Variants in SPAG5 observed in about 807,000 individuals in gnomAD.
SPAG5 encodes the protein sperm associated antigen 5.
SPAG5 carries 99 observed loss-of-function variants against 145.4 expected under a neutral mutation model. That is an observed-to-expected ratio of 0.68 (90% CI 0.58 to 0.80). The LOEUF (loss-of-function observed/expected upper bound fraction) is 0.80. Ranked by LOEUF, SPAG5 falls within the 30% of genes least tolerant of loss-of-function variation. The pLI, the probability that SPAG5 is intolerant of heterozygous loss-of-function variation, is 0.00. For missense variants in SPAG5, 1,192 were observed against 1,416.0 expected (o/e 0.84, Z 2.54); for synonymous variants, 477 against 525.4 (o/e 0.91, Z 1.26).
rs771517573 is a variant in SPAG5 at position 28,585,869 on chromosome 17, C to A, written c.1735G>T (p.Asp579Tyr). 6.2e-7 allele frequency: 1 copy of A among 1,614,152 alleles called. No homozygotes were observed. The highest frequency in any genetic ancestry group is 8.5e-7 in the Non-Finnish European group (1 of 1,180,056). Reference sequence around the variant, plus strand: ...ACAAATGCCTGTCACCTTACCGCATCCTTGCCTCTGAGAGCCATTTCCTCT... The same window carrying A: ...ACAAATGCCTGTCACCTTACCGCATACTTGCCTCTGAGAGCCATTTCCTCT... Reference protein sequence around the residue: ...HREEMALRGKDAAEIVLEAFC... With the variant: ...HREEMALRGKYAAEIVLEAFC... The change falls in exon 7 of 24, where the codon GAT becomes TAT. Residue 579 changes from aspartate to tyrosine, a missense_variant. Physicochemically the swap from Asp to Tyr is radical, Grantham distance 160. Around this residue, in one of 5 missense-constraint regions of SPAG5, gnomAD observed 709 missense variants for 840.7 expected, o/e 0.84. Transcript: ENST00000321765.
intron 2 of SPAG5, among the ~76,000 whole-genome samples, chr17:28,594,965 A>T (rs534114916): frequency 9.3e-4 from 142 of 152,118 alleles, no homozygotes; most frequent in Admixed American, 3.4e-3. Context: ...GTCTCAAAAA[A>T]AAAAATAAAA....
intron 19 of SPAG5, 51 bp from the exon 20 acceptor site, chr17:28,578,803 A>G (rs1388029399): frequency 1.3e-5 from 19 of 1,416,746 alleles, no homozygotes; most frequent in Non-Finnish European, 1.8e-5. Flanking sequence ...GTCTCTTCAC[A>G]GCCCTTGCCA....
In SPAG5 at chr17:28,585,224, G is replaced by T. The variant is rs777032339; in HGVS notation, c.1954-9C>A. 2.5e-6 allele frequency: 4 copies of T among 1,613,638 alleles called. No individual in the cohort carries two copies. Among genetic ancestry groups the T allele is most frequent in the Admixed American group, 3.3e-5 (2 of 60,008 alleles). ...GCTGTCCATGTTGTATACTACCAGG[G>T]GAAGCAAGCAGGTCAGTAGAGCACA... is the stretch of plus-strand genomic sequence containing the variant. On this transcript the variant is annotated splice_polypyrimidine_tract_variant and intron_variant, in intron 9 of 23. Transcript: ENST00000321765.
intron 2 of SPAG5, 49 bp from the exon 3 acceptor site, chr17:28,593,115 C>T (rs759501260): frequency 3.1e-5 from 49 of 1,583,548 alleles, no homozygotes; most frequent in African/African-American, 2.7e-4. Context: ...ATTCAGTTCC[C>T]GACATACAAT....
rs769660511 is a variant in SPAG5 at position 28,585,984 on chromosome 17, TTC to T, written c.1618_1619del (p.Glu540AsnfsTer8). On this transcript the variant is annotated frameshift_variant, in exon 7 of 24. Coordinates refer to ENST00000321765, the MANE Select transcript of SPAG5 (RefSeq NM_006461.4). LOFTEE classifies it high-confidence loss of function. ...AATCAAAACAGCAACAGACCAATGT[TTC>T]TGCACGCCGAGACTATATGGTAAGA... ...TTVSQESRRA[E>X]TLVCCCFDLL... is the part of the protein sequence containing the mutation. 4 of 1,614,244 alleles carry T rather than the reference TTC, an allele frequency of 2.5e-6. No homozygotes were observed. The East Asian group carries it at 8.9e-5, about 36-fold the overall frequency.
Position 28,585,123 on chromosome 17 carries a change from C to A in SPAG5, c.2046G>T (p.Val682=). The change falls in exon 10 of 24, where the codon GTG becomes GTT. Residue 682 remains valine (V), a synonymous_variant. Coordinates refer to ENST00000321765, the MANE Select transcript of SPAG5 (RefSeq NM_006461.4). ...GTACCTCCTGCTTTTCCTCAATTGCCACATCACGTTCCTGCAGGGCTTGCT... is the reference window on the plus strand; with the variant it reads ...GTACCTCCTGCTTTTCCTCAATTGCAACATCACGTTCCTGCAGGGCTTGCT... ...KSQQALQERD[V]AIEEKQEVSR... The A allele has an allele frequency of 1.2e-6, 2 of 1,614,160 alleles. No homozygotes were observed. Among genetic ancestry groups the A allele is most frequent in the South Asian group, 2.2e-5 (2 of 91,064 alleles).
At chr17:28,591,084 T>C (rs1049532126) in intron 4 of SPAG5, among the ~76,000 whole-genome samples, 1 of 152,146 alleles carries the variant, frequency 6.6e-6, no homozygotes, top group Non-Finnish European at 1.5e-5. Flanking sequence ...TTTTAAAAAA[T>C]GTTTTAGGCT....
chr17:28,595,996 T>C (rs496622), intron 2 of SPAG5, among the ~76,000 whole-genome samples: 19,905 of 150,748 alleles, frequency 0.13, 1,631 homozygotes, highest in East Asian at 0.18. Flanking sequence ...GCAGTGACCC[T>C]AGATGGCACC....
At position 28,583,536 on chromosome 17, in the gene SPAG5, AAG is replaced by A. The variant is rs1159375976; in HGVS notation, c.2658_2659del (p.Phe887SerfsTer10). 1.9e-6 allele frequency: 3 copies of A among 1,608,228 alleles called. No homozygotes were observed. Among genetic ancestry groups the A allele is most frequent in the East Asian group, 2.2e-5 (1 of 44,840 alleles). ...CTTCTCCTTTAGTTTTGTCTGTAGA[AAG>A]AGAGTCAGGCTCTGTAGTTGCTCAG... On this transcript the variant is annotated frameshift_variant, in exon 15 of 24. Coordinates refer to ENST00000321765, the MANE Select transcript of SPAG5 (RefSeq NM_006461.4). LOFTEE classifies it high-confidence loss of function.
At chr17:28,595,771 C>T (rs2070660270) in intron 2 of SPAG5, among the ~76,000 whole-genome samples, 1 of 148,354 alleles carries the variant, frequency 6.7e-6, no homozygotes. Context: ...TTAGGCCGGG[C>T]GCGGTGGCTC....
Position 28,585,789 on chromosome 17 carries a change from A to C in SPAG5, c.1740+75T>G, listed in dbSNP as rs2070581045. The C allele has an allele frequency of 1.9e-6, 3 of 1,610,764 alleles. No homozygotes were observed. In the South Asian group the frequency reaches 3.3e-5, roughly 18 times the overall value. ...TTCTTAGGCCACCCATCTGTGTCTAAAGTGCATTTGTGTTCCTGCAGGAAC... is the reference window on the plus strand; with the variant it reads ...TTCTTAGGCCACCCATCTGTGTCTACAGTGCATTTGTGTTCCTGCAGGAAC... On this transcript the variant is annotated intron_variant, in intron 7 of 23. Transcript: ENST00000321765.
rs9891320 is a variant in SPAG5 at position 28,595,437 on chromosome 17, T to C, written c.178-2371A>G. On this transcript the variant is annotated intron_variant, in intron 2 of 23. Transcript: ENST00000321765. Reference sequence around the variant, plus strand: ...ATTCAAATGCTTCAAACAATTAATATCTATTAATAATCAAAAATTTACAAA... The same window carrying C: ...ATTCAAATGCTTCAAACAATTAATACCTATTAATAATCAAAAATTTACAAA... Among the ~76,000 whole-genome samples the C allele has an allele frequency of 7.3e-3, 1,116 of 152,130 alleles. 16 individuals are homozygous for C. Among genetic ancestry groups the C allele is most frequent in the African/African-American group, 0.025 (1,022 of 41,498 alleles).
At chr17:28,594,324 A>G (rs868787546) in intron 2 of SPAG5, among the ~76,000 whole-genome samples, 1 of 152,236 alleles carries the variant, frequency 6.6e-6, no homozygotes, top group Non-Finnish European at 1.5e-5. Flanking sequence ...GACCGGGCGC[A>G]GTGGCTCACG....
chr17:28,598,405 A>C (rs2070683484), intron 2 of SPAG5, 105 bp downstream of exon 2: 2 of 1,361,136 alleles, frequency 1.5e-6, no homozygotes, highest in East Asian at 5.1e-5. Flanking sequence ...CCGACGTAGA[A>C]GACTTCATTA....
chr17:28,597,087 CA>C (rs1360730801), intron 2 of SPAG5, among the ~76,000 whole-genome samples: 2 of 148,006 alleles, frequency 1.4e-5, no homozygotes, highest in African/African-American at 2.5e-5. Context: ...AACTCCATCT[CA>C]AAAAAAAATT....
chr17:28,583,940 A>G lies in SPAG5; in HGVS notation c.2459T>C (p.Val820Ala). 2 of 1,614,148 alleles carry G rather than the reference A, an allele frequency of 1.2e-6. No homozygotes were observed. Among genetic ancestry groups the G allele is most frequent in the Non-Finnish European group, 1.7e-6 (2 of 1,180,040 alleles). The change falls in exon 14 of 24, where the codon GTT becomes GCT. Residue 820 changes from valine to alanine, a missense_variant. Val to Ala is a moderately conservative substitution (Grantham distance 64). This residue lies in a region of SPAG5 where 709 missense variants were observed against 840.7 expected (regional missense o/e 0.84). Coordinates refer to ENST00000321765, the MANE Select transcript of SPAG5 (RefSeq NM_006461.4). ...CAGTGTGGTTTTCAATTGACACTCA[A>G]CCTGACCCAGCTCCAGGTGAGCAAC... ...NQVAHLELGQ[V>A]ECQLKTTLEV...
rs1567624449 is a variant in SPAG5, at chr17:28,585,163, A to C, written c.2006T>G (p.Leu669Arg). 6 of 1,614,084 alleles carry C rather than the reference A, an allele frequency of 3.7e-6. No homozygotes were observed. The highest frequency in any genetic ancestry group is 5.1e-6 in the Non-Finnish European group (6 of 1,180,026). The change falls in exon 10 of 24, where the codon CTC becomes CGC. Residue 669 changes from leucine (L) to arginine (R), a missense_variant. Coordinates refer to ENST00000321765, the MANE Select transcript of SPAG5 (RefSeq NM_006461.4). ...CAGGGCTTGCTGGCTCTTGACTGTG[A>C]GTTTCTCTGTGAGTTGTCGGGACCG... ...LSRSRQLTEK[L>R]TVKSQQALQE...
intron 2 of SPAG5, among the ~76,000 whole-genome samples, chr17:28,593,338 G>A (rs1397289648): frequency 1.3e-5 from 2 of 152,174 alleles, no homozygotes; most frequent in South Asian, 4.1e-4. Context: ...TAGCTTGAAA[G>A]TGACCCCACT....
chr17:28,596,489 G>A (rs575616188), intron 2 of SPAG5, among the ~76,000 whole-genome samples: 156 of 151,960 alleles, frequency 1.0e-3, no homozygotes, highest in Non-Finnish European at 1.9e-3. Context: ...CCAATATGGC[G>A]AAACCCCGTC....
Sources: gnomAD v4.1 joint callset for allele counts (sites outside exome capture counted in the v4.1 genomes callset) on GRCh38, gnomAD v4.1.1 for gene constraint, gnomAD v4.1.1 regional missense constraint, MANE v1.5 for transcripts, NCBI Gene and HGNC (gene_info 2026-07-23, HGNC 2026-07-21) for gene names.